Variants in LEF1 observed in about 807,000 individuals in gnomAD.
LEF1 encodes the protein lymphoid enhancer-binding factor 1.
In LEF1, 14 loss-of-function variants were observed where a neutral mutation model predicts 51.2. The observed-to-expected ratio is 0.27, with a 90% CI of 0.18 to 0.43. The LOEUF is 0.43. LEF1 is among the 20% of genes least tolerant of loss of function. LEF1 has a pLI of 1.00. For missense variants in LEF1, 386 were observed against 512.0 expected, an observed-to-expected ratio of 0.75 and a Z score of 2.37; for synonymous variants, 185 against 183.2, an observed-to-expected ratio of 1.01 and a Z score of -0.08.
chr4:108,094,183 T>C (rs1740232479), intron 3 of LEF1, among the ~76,000 whole-genome samples: 1 of 152,144 alleles, frequency 6.6e-6, no homozygotes, highest in Non-Finnish European at 1.5e-5. Flanking sequence ...GCATGTGACA[T>C]CTATGAAATG....
intron 3 of LEF1, among the ~76,000 whole-genome samples, chr4:108,124,928 C>T (rs1374147417): frequency 1.3e-5 from 2 of 152,136 alleles, no homozygotes; most frequent in Non-Finnish European, 2.9e-5. Flanking sequence ...ATAGCTGTTA[C>T]CAACCCGTGG....
At chr4:108,074,479 TTTGA>T (rs1163251452) in intron 8 of LEF1, among the ~76,000 whole-genome samples, 2 of 152,192 alleles carry the variant, frequency 1.3e-5, no homozygotes, top group Non-Finnish European at 2.9e-5. Flanking sequence ...AAAATAAAAC[TTTGA>T]TTAATTCATA....
intron 3 of LEF1, among the ~76,000 whole-genome samples, chr4:108,101,959 C>T (rs941841396): frequency 4.0e-5 from 6 of 151,520 alleles, no homozygotes; most frequent in Non-Finnish European, 7.4e-5. Context: ...ACTTGGAAGG[C>T]TGAGGCAGGA....
At chr4:108,072,569 A>G (rs1417813299) in intron 8 of LEF1, among the ~76,000 whole-genome samples, 1 of 152,212 alleles carries the variant, frequency 6.6e-6, no homozygotes, top group Non-Finnish European at 1.5e-5. Context: ...AAAGCATGAC[A>G]CACAGCAGGG....
At chr4:108,145,480 T>C (rs1743942477) in intron 3 of LEF1, among the ~76,000 whole-genome samples, 1 of 152,234 alleles carries the variant, frequency 6.6e-6, no homozygotes, top group Non-Finnish European at 1.5e-5. Context: ...GCCAAAATTT[T>C]TAATTGATGA....
In LEF1 at chr4:108,167,919, G is replaced by A. The variant is rs1578419437; in HGVS notation, c.-152C>T. The A allele has an allele frequency of 2.1e-6, 1 of 474,190 alleles. No individual in the cohort carries two copies. Among genetic ancestry groups the A allele is most frequent in the Non-Finnish European group, 3.3e-6 (1 of 299,510 alleles). The allele number at this position is 474,190 out of a possible 1,614,324, so 29.4% of individuals were successfully genotyped here. On this transcript the variant is annotated 5_prime_UTR_variant, in exon 1 of 12. Transcript: ENST00000265165. This position sits in a 1 kb window ranked among gnomAD's most constrained non-coding sequence, Gnocchi z 5.7. ...CGGAAGCGGGGCGGGCGAGCGCGGG[G>A]CCGCCGGCCGGCAGCCGGAGCAGCT... is the stretch of plus-strand genomic sequence containing the variant.
intron 11 of LEF1, among the ~76,000 whole-genome samples, chr4:108,060,345 C>T (rs1737588676): frequency 1.3e-5 from 2 of 152,076 alleles, no homozygotes; most frequent in Non-Finnish European, 2.9e-5. Flanking sequence ...GCAGTGCAGA[C>T]CACACAAAAG....
chr4:108,167,065 C>A lies in LEF1; in HGVS notation c.213+490G>T, dbSNP rs890476131. Among the ~76,000 whole-genome samples the A allele has an allele frequency of 6.6e-6, 1 of 152,184 alleles. No individual in the cohort carries two copies. The highest frequency in any genetic ancestry group is 2.4e-5 in the African/African-American group (1 of 41,460). On this transcript the variant is annotated intron_variant, in intron 1 of 11. Coordinates refer to ENST00000265165, the MANE Select transcript of LEF1 (RefSeq NM_016269.5). The surrounding 1 kb of genome is among the most constrained non-coding windows in gnomAD (Gnocchi z 5.7). ...GCCCACGCCCGCCTCCCCTTCCTCC[C>A]GCCTGTGGCTCTGCTCGTCTCCACC...
At chr4:108,092,434 T>A (rs927821853) in intron 3 of LEF1, among the ~76,000 whole-genome samples, 1 of 152,180 alleles carries the variant, frequency 6.6e-6, no homozygotes, top group African/African-American at 2.4e-5. Flanking sequence ...GGATTCCAAC[T>A]TACACTGCGG....
intron 8 of LEF1, among the ~76,000 whole-genome samples, chr4:108,073,837 T>TC (rs1326057061): frequency 6.6e-6 from 1 of 150,452 alleles, no homozygotes; most frequent in Non-Finnish European, 1.5e-5. Flanking sequence ...CCCCCCCTTT[T>TC]TTTTTTGAGA....
At chr4:108,121,874 A>G (rs754191346) in intron 3 of LEF1, among the ~76,000 whole-genome samples, 2 of 152,166 alleles carry the variant, frequency 1.3e-5, no homozygotes, top group Non-Finnish European at 2.9e-5. Context: ...TGATATGTAA[A>G]CTTTTTATTA....
intron 3 of LEF1, among the ~76,000 whole-genome samples, chr4:108,109,711 G>C (rs898847329): frequency 3.3e-5 from 5 of 152,104 alleles, no homozygotes; most frequent in Admixed American, 3.3e-4. Context: ...AAAACAGAAG[G>C]CAAAACATTC....
intron 3 of LEF1, among the ~76,000 whole-genome samples, chr4:108,117,674 C>T (rs965734090): frequency 2.6e-5 from 4 of 152,196 alleles, no homozygotes; most frequent in Non-Finnish European, 4.4e-5. Context: ...GATCAAACGA[C>T]CTCCTGCTGA....
chr4:108,166,179 C>T (rs1432854722), intron 1 of LEF1: 3 of 1,335,352 alleles, frequency 2.2e-6, no homozygotes, highest in Non-Finnish European at 3.0e-6. Flanking sequence ...ACCCTACCCC[C>T]GCCCCCAGCC....
At chr4:108,057,602 C>G (rs987708123) in intron 11 of LEF1, among the ~76,000 whole-genome samples, 2 of 152,148 alleles carry the variant, frequency 1.3e-5, no homozygotes, top group African/African-American at 4.8e-5. Context: ...GCTTCTATTC[C>G]CACTCTGCAA....
intron 4 of LEF1, among the ~76,000 whole-genome samples, chr4:108,088,130 G>T (rs539059556): frequency 1.6e-3 from 238 of 152,308 alleles, no homozygotes; most frequent in African/African-American, 5.5e-3. Flanking sequence ...ACAAGGAAGG[G>T]AAATGAAAGC....
At chr4:108,074,060 G>A (rs1036323484) in intron 8 of LEF1, among the ~76,000 whole-genome samples, 2 of 152,058 alleles carry the variant, frequency 1.3e-5, no homozygotes, top group African/African-American at 4.8e-5. Flanking sequence ...TATTTCTAAT[G>A]TACAAAAATG....
intron 11 of LEF1, among the ~76,000 whole-genome samples, chr4:108,050,535 CAG>C (rs1241643245): frequency 6.6e-6 from 1 of 152,158 alleles, no homozygotes; most frequent in Non-Finnish European, 1.5e-5. Context: ...GAGAAAGAAA[CAG>C]GGCTCTAGCA....
chr4:108,148,953 T>C (rs969887751), intron 3 of LEF1, among the ~76,000 whole-genome samples: 13 of 152,208 alleles, frequency 8.5e-5, no homozygotes, highest in Non-Finnish European at 1.5e-4. Context: ...AGCACTGAGT[T>C]ACTATGAATT....
Sources: gnomAD v4.1 joint callset for allele counts (sites outside exome capture counted in the v4.1 genomes callset) on GRCh38, gnomAD v4.1.1 for gene constraint, Gnocchi (gnomAD v3.1) non-coding constraint, MANE v1.5 for transcripts, NCBI Gene and HGNC (gene_info 2026-07-23, HGNC 2026-07-21) for gene names.